Variants in DOCK4 observed in about 807,000 individuals in gnomAD.
DOCK4 encodes dedicator of cytokinesis protein 4.
Under a neutral mutation model 268.1 loss-of-function variants are expected in DOCK4, and 97 were observed. The ratio of observed to expected loss-of-function variants is 0.36; its 90% CI spans 0.31 to 0.43. The LOEUF (loss-of-function observed/expected upper bound fraction) is 0.43. Ranked by LOEUF, DOCK4 falls within the 20% of genes least tolerant of loss-of-function variation. DOCK4 has a pLI of 1.00. For synonymous variants in DOCK4, 954 were observed against 887.2 expected (o/e 1.08, Z -1.34); for missense variants, 2,145 against 2,455.7 (o/e 0.87, Z 2.67).
chr7:111,784,841 T>A (rs1799056283), intron 32 of DOCK4, among the ~76,000 whole-genome samples: 1 of 152,224 alleles, frequency 6.6e-6, no homozygotes, highest in Admixed American at 6.5e-5. Context: ...CCCTACCCCT[T>A]GAAATTTAAT....
At chr7:112,103,682 G>A (rs573268007) in intron 1 of DOCK4, among the ~76,000 whole-genome samples, 21 of 152,252 alleles carry the variant, frequency 1.4e-4, no homozygotes, top group South Asian at 2.1e-4. Context: ...AGGAGTTCAA[G>A]ACCAGCCTGG....
At chr7:112,157,624 C>T (rs1306261309) in intron 1 of DOCK4, among the ~76,000 whole-genome samples, 1 of 152,100 alleles carries the variant, frequency 6.6e-6, no homozygotes, top group Non-Finnish European at 1.5e-5. Flanking sequence ...GCTGATGAGC[C>T]TGAATAGAAG....
At chr7:112,124,476 A>G (rs1171442863) in intron 1 of DOCK4, among the ~76,000 whole-genome samples, 1 of 152,214 alleles carries the variant, frequency 6.6e-6, no homozygotes, top group Non-Finnish European at 1.5e-5. Flanking sequence ...TTACAGCCAC[A>G]TTAAAGGATA....
rs574940445 is a variant in DOCK4 at position 111,987,433 on chromosome 7, C to A, written c.464+1582G>T. 2.6e-5 allele frequency among the ~76,000 whole-genome samples: 4 copies of A among 151,568 alleles called. No individual in the cohort carries two copies. The South Asian group carries it at 6.2e-4, about 24-fold the overall frequency. On this transcript the variant is annotated intron_variant, in intron 6 of 52. Transcript: ENST00000428084. ...TACAAACTAGTCCTTTAAATGAGGA[C>A]CAGCATAATGACTAAGACCCAAAAT...
intron 8 of DOCK4, among the ~76,000 whole-genome samples, chr7:111,946,486 A>G (rs1795632621): frequency 6.6e-6 from 1 of 152,226 alleles, no homozygotes; most frequent in African/African-American, 2.4e-5. Flanking sequence ...AACCAAAAAG[A>G]AAATACAGTG....
At chr7:111,766,451 A>C (rs1797766660) in intron 38 of DOCK4, among the ~76,000 whole-genome samples, 2 of 152,168 alleles carry the variant, frequency 1.3e-5, no homozygotes, top group African/African-American at 4.8e-5. Flanking sequence ...CATGTTGCTC[A>C]AGAGTAAGGA....
At chr7:111,936,519 TGGATGGATGGAC>T (rs1306774781) in intron 11 of DOCK4, among the ~76,000 whole-genome samples, 3 of 151,788 alleles carry the variant, frequency 2.0e-5, no homozygotes, top group Admixed American at 6.6e-5. Context: ...GATGGATGGA[TGGATGGATGGAC>T]GGATGGATGG....
intron 1 of DOCK4, among the ~76,000 whole-genome samples, chr7:112,138,715 C>T (rs889242253): frequency 6.6e-6 from 1 of 152,142 alleles, no homozygotes; most frequent in Non-Finnish European, 1.5e-5. Context: ...TTCCTAACCC[C>T]CAATGTGACA....
At chr7:112,193,399 C>A (rs1820144792) in intron 1 of DOCK4, among the ~76,000 whole-genome samples, 1 of 151,820 alleles carries the variant, frequency 6.6e-6, no homozygotes, top group Non-Finnish European at 1.5e-5. Flanking sequence ...AGTTCAAGAC[C>A]AGCCTGAGCA....
At chr7:111,981,954 G>T (rs980573773) in intron 7 of DOCK4, among the ~76,000 whole-genome samples, 1 of 152,056 alleles carries the variant, frequency 6.6e-6, no homozygotes, top group East Asian at 1.9e-4. Flanking sequence ...AATTACATAC[G>T]CACAAAACCA....
At chr7:111,761,306 T>G (rs1055343370) in intron 39 of DOCK4, among the ~76,000 whole-genome samples, 3 of 152,150 alleles carry the variant, frequency 2.0e-5, no homozygotes, top group East Asian at 3.9e-4. Context: ...GTGATCTGCC[T>G]GTCTCGGCCT....
intron 1 of DOCK4, among the ~76,000 whole-genome samples, chr7:112,052,683 C>CA (rs1805469897): frequency 2.0e-5 from 3 of 152,222 alleles, no homozygotes; most frequent in South Asian, 4.2e-4. Flanking sequence ...CCCACTCACC[C>CA]ACCCGCAATA....
chr7:112,177,964 A>G (rs1429259724), intron 1 of DOCK4, among the ~76,000 whole-genome samples: 1 of 152,192 alleles, frequency 6.6e-6, no homozygotes, highest in Non-Finnish European at 1.5e-5. Context: ...ACCTATACCT[A>G]TCCCCTGGGA....
intron 23 of DOCK4, among the ~76,000 whole-genome samples, chr7:111,849,782 G>A (rs1051341388): frequency 6.6e-6 from 1 of 152,040 alleles, no homozygotes; most frequent in Admixed American, 6.5e-5. Flanking sequence ...GTTTCTCTTG[G>A]GCTGATCAGT....
At chr7:111,805,743 T>C (rs929691657) in intron 30 of DOCK4, among the ~76,000 whole-genome samples, 6 of 152,226 alleles carry the variant, frequency 3.9e-5, no homozygotes, top group Non-Finnish European at 8.8e-5. Context: ...TAAACATCAA[T>C]GACCAAATCT....
At chr7:111,811,718 G>A (rs560271122) in intron 28 of DOCK4, among the ~76,000 whole-genome samples, 156 bp downstream of exon 28, 2 of 152,160 alleles carry the variant, frequency 1.3e-5, no homozygotes, top group Non-Finnish European at 2.9e-5. Context: ...TAAGCGCTAT[G>A]TGAACAGTCT....
intron 17 of DOCK4, among the ~76,000 whole-genome samples, chr7:111,875,891 ATAAG>A (rs1433072445): frequency 6.6e-6 from 1 of 152,236 alleles, no homozygotes; most frequent in Admixed American, 6.5e-5. Context: ...GCTGCAATAA[ATAAG>A]TAATACAACC....
intron 42 of DOCK4, 78 bp from the exon 43 acceptor site, chr7:111,747,521 T>C: frequency 7.3e-7 from 1 of 1,374,994 alleles, no homozygotes; most frequent in Non-Finnish European, 9.8e-7. Flanking sequence ...ATCCATGTTC[T>C]GAATTATCTG....
chr7:111,924,027 C>G (rs1793384682), intron 12 of DOCK4, among the ~76,000 whole-genome samples: 1 of 152,160 alleles, frequency 6.6e-6, no homozygotes. Flanking sequence ...ATACCAGTGC[C>G]TTGAGTAACG....
Sources: allele counts gnomAD v4.1 joint callset (sites outside exome capture counted in the v4.1 genomes callset), GRCh38; gene constraint gnomAD v4.1.1; transcripts MANE v1.5; gene names NCBI Gene and HGNC (gene_info 2026-07-23, HGNC 2026-07-21).